SLIT1: variants seen among roughly 807,000 people sequenced by gnomAD.
SLIT1 encodes slit guidance ligand 1.
In SLIT1, 66 loss-of-function variants were observed where a neutral mutation model predicts 186.1. The observed-to-expected ratio is 0.35, with a 90% CI of 0.29 to 0.44. The LOEUF (loss-of-function observed/expected upper bound fraction) is 0.44, where lower values mean the gene tolerates loss of function less well. SLIT1 is among the 20% of genes least tolerant of loss of function. The pLI is 1.00. For synonymous variants in SLIT1, 761 were observed against 833.8 expected, an observed-to-expected ratio of 0.91 and a Z score of 1.50; for missense variants, 1,638 against 2,037.4, an observed-to-expected ratio of 0.80 and a Z score of 3.77.
chr10:97,028,263 C>A (rs1307113125), intron 25 of SLIT1, among the ~76,000 whole-genome samples: 2 of 152,212 alleles, frequency 1.3e-5, no homozygotes, highest in Admixed American at 1.3e-4. Context: ...TCCAGCAGGG[C>A]TCACTCCTGC....
At chr10:97,101,069 C>T (rs1415558362) in intron 4 of SLIT1, among the ~76,000 whole-genome samples, 2 of 152,202 alleles carry the variant, frequency 1.3e-5, no homozygotes, top group Non-Finnish European at 2.9e-5. Context: ...TTGCCAGTGT[C>T]CCCAAGGGGA....
At chr10:97,168,314 A>G (rs769205313) in intron 1 of SLIT1, among the ~76,000 whole-genome samples, 1 of 152,252 alleles carries the variant, frequency 6.6e-6, no homozygotes, top group East Asian at 1.9e-4. Flanking sequence ...TTCCCAAAAA[A>G]TAAAGAAAAA....
chr10:97,001,493 A>G, intron 36 of SLIT1, 143 bp from the exon 37 acceptor site: 2 of 658,790 alleles, frequency 3.0e-6, no homozygotes, highest in Non-Finnish European at 5.3e-6. Flanking sequence ...CTCTGTCCCC[A>G]GCATACTTCC....
intron 4 of SLIT1, among the ~76,000 whole-genome samples, chr10:97,125,496 T>C (rs1849595516): frequency 1.4e-5 from 2 of 142,146 alleles, no homozygotes; most frequent in South Asian, 4.5e-4. Context: ...ATCACACCAC[T>C]GCACTCCAGC....
chr10:97,182,697 A>T (rs1375866563), intron 1 of SLIT1, among the ~76,000 whole-genome samples: 1 of 152,142 alleles, frequency 6.6e-6, no homozygotes, highest in Non-Finnish European at 1.5e-5. Flanking sequence ...GACCCTTCCC[A>T]ACATCTCTTT....
chr10:97,024,560 A>AT (rs1425633626), intron 25 of SLIT1, among the ~76,000 whole-genome samples: 2 of 152,104 alleles, frequency 1.3e-5, no homozygotes, highest in Non-Finnish European at 2.9e-5. Context: ...GGGATGGGTG[A>AT]TTTTTTTCTG....
At chr10:97,087,587 C>G (rs986747941) in intron 4 of SLIT1, among the ~76,000 whole-genome samples, 3 of 152,236 alleles carry the variant, frequency 2.0e-5, no homozygotes, top group East Asian at 1.9e-4. Context: ...CAAGCCAGCA[C>G]AGCCATGCCA....
At chr10:97,081,402 G>A (rs1849103690) in intron 4 of SLIT1, among the ~76,000 whole-genome samples, 2 of 152,210 alleles carry the variant, frequency 1.3e-5, no homozygotes, top group South Asian at 4.1e-4. Context: ...AAGGAGGCCA[G>A]CAGAGCACCA....
At chr10:97,113,616 G>A (rs1219416555) in intron 4 of SLIT1, among the ~76,000 whole-genome samples, 3 of 150,412 alleles carry the variant, frequency 2.0e-5, no homozygotes, top group South Asian at 2.1e-4. Context: ...GCAATGGTGC[G>A]ATCTTAGCTC....
At chr10:97,057,916 T>C in intron 11 of SLIT1, 1 of 705,288 alleles carries the variant, frequency 1.4e-6, no homozygotes. Context: ...TTGTATGCCA[T>C]TCCCAATATC....
In SLIT1 at chr10:97,044,563, A is replaced by G. The variant is rs185911041; in HGVS notation, c.1854-1050T>C. Among the ~76,000 whole-genome samples the G allele has an allele frequency of 1.1e-3, 168 of 152,272 alleles. 1 individual carries two copies. The highest frequency in any genetic ancestry group is 1.5e-3 in the Non-Finnish European group (105 of 68,016). On this transcript the variant is annotated intron_variant, in intron 18 of 36. Coordinates refer to ENST00000266058, the MANE Select transcript of SLIT1 (RefSeq NM_003061.3). ...TTCAATGTTACTACTAATCAAAGAC[A>G]CTTATGCAATATTGATTTTTTGCCT...
chr10:97,127,436 A>G (rs1849614852), intron 4 of SLIT1, among the ~76,000 whole-genome samples: 1 of 152,238 alleles, frequency 6.6e-6, no homozygotes, highest in Non-Finnish European at 1.5e-5. Flanking sequence ...GACAATGTCT[A>G]TGCAGTACCT....
rs36000443 is a variant in SLIT1, at chr10:97,184,018, CCACACACACACACACA to C, written c.197+1444_197+1459del. On this transcript the variant is annotated intron_variant, in intron 1 of 36. Transcript: ENST00000266058. The surrounding 1 kb of genome is among the most constrained non-coding windows in gnomAD (Gnocchi z 4.4). ...ATTCACACACACACATACACATGCA[CCACACACACACACACA>C]CACACACACACACACACACACACAC... Among the ~76,000 whole-genome samples the C allele has an allele frequency of 5.8e-4, 83 of 142,586 alleles. No homozygotes were observed. Among genetic ancestry groups the C allele is most frequent in the African/African-American group, 2.0e-3 (77 of 38,084 alleles). The allele number at this position is 142,586 out of a possible 152,430, so 93.5% of individuals were successfully genotyped here.
chr10:97,006,738 A>G lies in SLIT1; in HGVS notation c.3342-18T>C, dbSNP rs868768155. 3.8e-6 allele frequency: 6 copies of G among 1,580,126 alleles called. No individual in the cohort carries two copies. The Middle Eastern group carries it at 6.7e-4, about 176-fold the overall frequency. On this transcript the variant is annotated intron_variant, in intron 31 of 36. Transcript: ENST00000266058. This position sits in a 1 kb window ranked among gnomAD's most constrained non-coding sequence, Gnocchi z 4.0. ...GCTGTCCACTGAGAGGAAAGGACATAAGTCAGAGAGGGCCAAGGAGGAAGG... is the reference window on the plus strand; with the variant it reads ...GCTGTCCACTGAGAGGAAAGGACATGAGTCAGAGAGGGCCAAGGAGGAAGG...
At chr10:97,121,709 C>T (rs1849561482) in intron 4 of SLIT1, among the ~76,000 whole-genome samples, 1 of 152,168 alleles carries the variant, frequency 6.6e-6, no homozygotes, top group South Asian at 2.1e-4. Context: ...AATTTCCCTC[C>T]TGCCTTCCTC....
intron 4 of SLIT1, among the ~76,000 whole-genome samples, chr10:97,089,287 C>T (rs771565169): frequency 6.6e-6 from 1 of 152,234 alleles, no homozygotes; most frequent in Non-Finnish European, 1.5e-5. Flanking sequence ...GGCCAAGCCC[C>T]CCACGACTGG....
At chr10:97,095,815 C>T (rs1296733219) in intron 4 of SLIT1, among the ~76,000 whole-genome samples, 1 of 152,188 alleles carries the variant, frequency 6.6e-6, no homozygotes, top group African/African-American at 2.4e-5. Context: ...TGGAATTCCA[C>T]GTCCCCATCT....
rs1564651444 is a variant in SLIT1 at position 97,004,174 on chromosome 10, G to A, written c.3759C>T (p.Ala1253=). 6.2e-7 allele frequency: 1 copy of A among 1,613,922 alleles called. No individual in the cohort carries two copies. Among genetic ancestry groups the A allele is most frequent in the East Asian group, 2.2e-5 (1 of 44,872 alleles). ...DGQFHTVELV[A]FDQMVNLSID... Reference sequence around the variant, plus strand: ...TGGAGAGATTCACCATCTGGTCAAAGGCAACCAGCTCAACGGTGTGGAATT... The same window carrying A: ...TGGAGAGATTCACCATCTGGTCAAAAGCAACCAGCTCAACGGTGTGGAATT... Residue 1253 remains alanine, a synonymous_variant, in exon 34 of 37, where the codon GCC becomes GCT. Coordinates refer to ENST00000266058, the MANE Select transcript of SLIT1 (RefSeq NM_003061.3). This position sits in a 1 kb window ranked among gnomAD's most constrained non-coding sequence, Gnocchi z 5.1.
In SLIT1 at chr10:97,040,124, G is replaced by A. The variant is rs763337848; in HGVS notation, c.2165-4C>T. The A allele has an allele frequency of 1.3e-5, 21 of 1,559,896 alleles. No individual in the cohort carries two copies. Among genetic ancestry groups the A allele is most frequent in the Non-Finnish European group, 1.8e-5 (21 of 1,154,568 alleles). On this transcript the variant is annotated splice_region_variant and splice_polypyrimidine_tract_variant and intron_variant, in intron 20 of 36. Coordinates refer to ENST00000266058, the MANE Select transcript of SLIT1 (RefSeq NM_003061.3). ...AGGCAGCCCCCCTCCTCCTGGCCTAGGGAAGAAGGCACGAAGCCCCTGTCA... is the reference window on the plus strand; with the variant it reads ...AGGCAGCCCCCCTCCTCCTGGCCTAAGGAAGAAGGCACGAAGCCCCTGTCA...
Sources: allele counts gnomAD v4.1 joint callset (sites outside exome capture counted in the v4.1 genomes callset), GRCh38; gene constraint gnomAD v4.1.1; non-coding constraint Gnocchi (gnomAD v3.1); transcripts MANE v1.5; gene names NCBI Gene and HGNC (gene_info 2026-07-23, HGNC 2026-07-21).